Variants in MYRFL observed in about 807,000 individuals in gnomAD.
MYRFL encodes myelin regulatory factor like.
In MYRFL, 88 loss-of-function variants were observed where a neutral mutation model predicts 109.4. That is an observed-to-expected ratio of 0.80 (90% CI 0.68 to 0.96). The LOEUF (loss-of-function observed/expected upper bound fraction) is 0.96. Ranked by LOEUF, MYRFL falls within the 40% of genes least tolerant of loss-of-function variation. The probability of loss-of-function intolerance (pLI) is 0.00; values close to 1 mark genes in which losing one functional copy is unlikely to be tolerated. For synonymous variants in MYRFL, 324 were observed against 320.9 expected (o/e 1.01, Z -0.10); for missense variants, 957 against 954.9 (o/e 1.00, Z -0.03).
intron 2 of MYRFL, among the ~76,000 whole-genome samples, chr12:69,862,663 GT>G: frequency 6.6e-6 from 1 of 151,866 alleles, no homozygotes; most frequent in South Asian, 2.1e-4. Flanking sequence ...AGACAATGGG[GT>G]TTTCTAGATA....
intron 1 of MYRFL, among the ~76,000 whole-genome samples, chr12:69,838,593 A>G (rs1883079984): frequency 6.6e-6 from 1 of 152,146 alleles, no homozygotes; most frequent in South Asian, 2.1e-4. Context: ...ATTGTGTTTT[A>G]TTTCTTTTTG....
intron 13 of MYRFL, among the ~76,000 whole-genome samples, chr12:69,921,743 T>C (rs1211569438): frequency 6.6e-6 from 1 of 152,218 alleles, no homozygotes; most frequent in African/African-American, 2.4e-5. Context: ...ACCTATTGGA[T>C]CTACCTGTAA....
chr12:69,951,898 G>A (rs902596072), intron 19 of MYRFL, among the ~76,000 whole-genome samples: 4 of 152,172 alleles, frequency 2.6e-5, no homozygotes, highest in Non-Finnish European at 5.9e-5. Flanking sequence ...AGCTGGGAAG[G>A]GGACCCAATT....
chr12:69,895,543 C>T, intron 9 of MYRFL, 62 bp downstream of exon 9: 1 of 1,408,338 alleles, frequency 7.1e-7, no homozygotes, highest in Non-Finnish European at 9.7e-7. Context: ...AGGAAGTGCC[C>T]TCCTGGGGCC....
intron 16 of MYRFL, among the ~76,000 whole-genome samples, chr12:69,935,727 C>A (rs932003488): frequency 6.6e-6 from 1 of 152,212 alleles, no homozygotes; most frequent in Non-Finnish European, 1.5e-5. Context: ...CCAATGCCCT[C>A]CACCGGTGGC....
chr12:69,880,152 T>C lies in MYRFL; in HGVS notation c.465-49T>C, dbSNP rs552087482. The C allele has an allele frequency of 1.2e-5, 8 of 695,578 alleles. No individual in the cohort carries two copies. The Admixed American group carries it at 1.4e-4, about 13-fold the overall frequency. 43.1% of individuals were successfully genotyped at this position (695,578 alleles called of 1,614,324 possible). On this transcript the variant is annotated intron_variant, in intron 4 of 24. Coordinates refer to ENST00000552032, the MANE Select transcript of MYRFL (RefSeq NM_182530.3). ...AGATTAAATTTTATTTAACATAACA[T>C]GGAACACAAGGAAGAATCCTAACCT...
intron 19 of MYRFL, among the ~76,000 whole-genome samples, chr12:69,946,209 G>C (rs1055565650): frequency 1.8e-4 from 28 of 151,730 alleles, no homozygotes; most frequent in Non-Finnish European, 3.8e-4. Flanking sequence ...GATTCCCAAG[G>C]AAAGAAAATT....
intron 19 of MYRFL, among the ~76,000 whole-genome samples, chr12:69,938,985 G>A (rs921303075): frequency 1.2e-4 from 18 of 152,146 alleles, no homozygotes; most frequent in East Asian, 5.8e-4. Flanking sequence ...CATTTCCGAC[G>A]GGCTTAAAAA....
At chr12:69,886,493 C>T (rs947978451) in intron 5 of MYRFL, among the ~76,000 whole-genome samples, 3 of 152,168 alleles carry the variant, frequency 2.0e-5, no homozygotes, top group Admixed American at 6.5e-5. Context: ...AGCTGGGTCA[C>T]CTATCCTCCC....
chr12:69,890,745 A>G (rs1014929392), intron 6 of MYRFL, among the ~76,000 whole-genome samples: 3 of 152,184 alleles, frequency 2.0e-5, no homozygotes, highest in Non-Finnish European at 4.4e-5. Context: ...AAAAAGAAAG[A>G]TTGTACTTCT....
rs571171402 is a variant in MYRFL at position 69,940,176 on chromosome 12, C to T, written c.2224+3544C>T. 5.3e-5 allele frequency among the ~76,000 whole-genome samples: 8 copies of T among 152,166 alleles called. No individual in the cohort carries two copies. In the East Asian group the frequency reaches 5.8e-4, roughly 11 times the overall value. ...TCCCCAATCTAGCAAGGCAGGCCAA[C>T]GTTCAGATTCAGGAACTACAGAGAA... On this transcript the variant is annotated intron_variant, in intron 19 of 24. Transcript: ENST00000552032.
chr12:69,932,408 TC>T, intron 15 of MYRFL, 104 bp from the exon 16 acceptor site: 1 of 717,546 alleles, frequency 1.4e-6, no homozygotes, highest in Non-Finnish European at 2.4e-6. Flanking sequence ...ACTCAAACTA[TC>T]CCAAGAGAGC....
At chr12:69,873,149 G>T (rs1205402234) in intron 2 of MYRFL, among the ~76,000 whole-genome samples, 2 of 152,078 alleles carry the variant, frequency 1.3e-5, no homozygotes, top group African/African-American at 4.8e-5. Flanking sequence ...TAGATCAGGG[G>T]TGTCCAATCT....
chr12:69,886,577 T>G (rs1358320234), intron 5 of MYRFL, among the ~76,000 whole-genome samples: 1 of 152,096 alleles, frequency 6.6e-6, no homozygotes, highest in East Asian at 1.9e-4. Context: ...GTAGGGTAGA[T>G]AGATATCAGG....
intron 2 of MYRFL, among the ~76,000 whole-genome samples, chr12:69,872,266 T>G (rs771236028): frequency 8.5e-5 from 13 of 152,210 alleles, no homozygotes; most frequent in African/African-American, 1.2e-4. Context: ...TCTTTATATT[T>G]CAAGTGTTTT....
chr12:69,875,363 AT>A (rs1885597886), intron 2 of MYRFL, among the ~76,000 whole-genome samples: 1 of 151,400 alleles, frequency 6.6e-6, no homozygotes. Flanking sequence ...CTTTGCTGAG[AT>A]TTTATTTATT....
intron 2 of MYRFL, among the ~76,000 whole-genome samples, chr12:69,856,551 A>G (rs368698583): frequency 1.3e-5 from 2 of 152,044 alleles, no homozygotes; most frequent in Non-Finnish European, 2.9e-5. Flanking sequence ...TTCATTGCCA[A>G]TTCTTGGGTA....
chr12:69,896,387 CTA>C (rs1248508117), intron 9 of MYRFL, among the ~76,000 whole-genome samples: 2 of 152,190 alleles, frequency 1.3e-5, no homozygotes, highest in Non-Finnish European at 2.9e-5. Context: ...CTCTTGTTCT[CTA>C]AGAGAATAGG....
intron 1 of MYRFL, among the ~76,000 whole-genome samples, chr12:69,827,471 AG>A (rs1882353649): frequency 6.6e-6 from 1 of 152,014 alleles, no homozygotes; most frequent in Non-Finnish European, 1.5e-5. Context: ...CTGATGCAAT[AG>A]GTAGGCTTGT....
Sources: allele counts gnomAD v4.1 joint callset (sites outside exome capture counted in the v4.1 genomes callset), GRCh38; gene constraint gnomAD v4.1.1; transcripts MANE v1.5; gene names NCBI Gene and HGNC (gene_info 2026-07-23, HGNC 2026-07-21).